The following PSMA1 variants were observed in gnomAD, a reference collection of about 807,000 sequenced individuals.
PSMA1 encodes proteasome subunit alpha type-1.
In PSMA1, 3 loss-of-function variants were observed where a neutral mutation model predicts 38.4. That is an observed-to-expected ratio of 0.08 (90% CI 0.04 to 0.20). PSMA1 has a LOEUF of 0.20. Among genes scored for constraint, PSMA1 ranks in the 10% least tolerant of loss-of-function variants. PSMA1 has a pLI of 1.00. For missense variants in PSMA1, 227 were observed against 325.3 expected, an observed-to-expected ratio of 0.70 and a Z score of 2.32; for synonymous variants, 101 against 107.1, an observed-to-expected ratio of 0.94 and a Z score of 0.35.
chr11:14,508,828 C>T (rs1392890757), intron 8 of PSMA1, among the ~76,000 whole-genome samples: 1 of 152,124 alleles, frequency 6.6e-6, no homozygotes, highest in African/African-American at 2.4e-5. Context: ...CATTGCCCCT[C>T]CTCCTTGAAA....
intron 8 of PSMA1, 81 bp from the exon 9 acceptor site, chr11:14,507,847 G>A: frequency 1.1e-6 from 1 of 951,094 alleles, no homozygotes. Context: ...GGTGAAAAAA[G>A]CAGAATAAGA....
chr11:14,538,364 C>T (rs1200072876), intron 2 of PSMA1, among the ~76,000 whole-genome samples: 2 of 152,144 alleles, frequency 1.3e-5, no homozygotes, highest in African/African-American at 4.8e-5. Context: ...AGGCTGGACT[C>T]GATGAAGTCT....
intron 2 of PSMA1, among the ~76,000 whole-genome samples, chr11:14,542,057 G>T (rs1851778763): frequency 6.6e-6 from 1 of 152,102 alleles, no homozygotes; most frequent in African/African-American, 2.4e-5. Flanking sequence ...AATAGCTAAA[G>T]CTTTTTAAAA....
intron 2 of PSMA1, among the ~76,000 whole-genome samples, chr11:14,530,615 G>C (rs1299239807): frequency 6.6e-6 from 1 of 152,118 alleles, no homozygotes; most frequent in Non-Finnish European, 1.5e-5. Context: ...TTAGTTAAGA[G>C]TTAGTGGGCT....
chr11:14,611,122 T>C (rs925722380), exon 2 of PSMA1: 12 of 761,616 alleles, frequency 1.6e-5, no homozygotes, highest in East Asian at 5.3e-5. Flanking sequence ...GAGCTGACCA[T>C]GAATACATGC....
At chr11:14,639,244 T>C (rs990957636) in intron 1 of PSMA1, among the ~76,000 whole-genome samples, 1 of 145,994 alleles carries the variant, frequency 6.8e-6, no homozygotes, top group African/African-American at 2.4e-5. Flanking sequence ...ATGTGTAATT[T>C]TGTTTTTGTA....
chr11:14,597,920 G>C (rs771950655), intron 2 of PSMA1, among the ~76,000 whole-genome samples: 1 of 152,048 alleles, frequency 6.6e-6, no homozygotes, highest in Non-Finnish European at 1.5e-5. Flanking sequence ...ACTGCTTTGA[G>C]TGTGTCCCAG....
intron 1 of PSMA1, among the ~76,000 whole-genome samples, chr11:14,630,572 T>G (rs1852990302): frequency 6.6e-6 from 1 of 151,854 alleles, no homozygotes; most frequent in Non-Finnish European, 1.5e-5. Context: ...TTTGCCAGTA[T>G]TTTATTGAGG....
chr11:14,507,518 G>T (rs1157832454), intron 9 of PSMA1, 138 bp downstream of exon 9: 5 of 670,688 alleles, frequency 7.5e-6, no homozygotes, highest in African/African-American at 1.8e-5. Context: ...ACTTTACTCA[G>T]TTCTTAATTT....
chr11:14,586,996 G>A (rs911360422), intron 2 of PSMA1, among the ~76,000 whole-genome samples: 8 of 152,038 alleles, frequency 5.3e-5, no homozygotes, highest in Non-Finnish European at 7.4e-5. Flanking sequence ...TCCTGACCTC[G>A]TGATCCGCCT....
At chr11:14,513,346 T>C (rs111856477) in intron 7 of PSMA1, 11 of 416,938 alleles carry the variant, frequency 2.6e-5, no homozygotes, top group African/African-American at 1.0e-4. Context: ...GGAACACATT[T>C]ATATTTTGAA....
At chr11:14,556,658 A>G (rs1296426841) in intron 2 of PSMA1, among the ~76,000 whole-genome samples, 3 of 151,796 alleles carry the variant, frequency 2.0e-5, no homozygotes, top group Non-Finnish European at 4.4e-5. Flanking sequence ...TTCTCTGCTT[A>G]CTCTTGAGAA....
intron 2 of PSMA1, among the ~76,000 whole-genome samples, chr11:14,599,006 T>G (rs1234297138): frequency 1.6e-4 from 24 of 152,258 alleles, no homozygotes; most frequent in African/African-American, 5.3e-4. Flanking sequence ...AAGCTTAGTT[T>G]GGCTGGATAT....
intron 9 of PSMA1, among the ~76,000 whole-genome samples, chr11:14,505,687 C>T (rs897320575): frequency 2.6e-5 from 4 of 151,734 alleles, no homozygotes; most frequent in East Asian, 1.9e-4. Flanking sequence ...TTAGGTATGC[C>T]GAATGCATAA....
rs577451168 is a variant in PSMA1 at position 14,514,664 on chromosome 11, CTGGAGCCACATAA to C, written c.255-186_255-174del. Among the ~76,000 whole-genome samples, 278 of 152,264 alleles carry C rather than the reference CTGGAGCCACATAA, an allele frequency of 1.8e-3. 1 individual carries two copies. Among genetic ancestry groups the C allele is most frequent in the African/African-American group, 6.3e-3 (263 of 41,542 alleles). On this transcript the variant is annotated intron_variant, in intron 4 of 9. Coordinates refer to ENST00000396394, the MANE Select transcript of PSMA1 (RefSeq NM_002786.4). ...CAAGGGTGCGTTTTTGTGCTAAACT[CTGGAGCCACATAA>C]GGTTTTTAAAAAAGACTGAAACATT...
chr11:14,513,491 T>C, intron 7 of PSMA1, 79 bp downstream of exon 7: 1 of 1,263,086 alleles, frequency 7.9e-7, no homozygotes, highest in Non-Finnish European at 1.0e-6. Flanking sequence ...GTTTTATGCA[T>C]TTAGGATACT....
chr11:14,597,208 T>C (rs1246240401), intron 2 of PSMA1, among the ~76,000 whole-genome samples: 1 of 152,218 alleles, frequency 6.6e-6, no homozygotes, highest in Non-Finnish European at 1.5e-5. Flanking sequence ...AAAATTACTT[T>C]TTTTGTTGTG....
intron 2 of PSMA1, among the ~76,000 whole-genome samples, chr11:14,576,812 T>G (rs569338844): frequency 1.3e-5 from 2 of 152,354 alleles, no homozygotes; most frequent in East Asian, 3.9e-4. Flanking sequence ...TCCAATTCTG[T>G]GAAGAAAGTC....
intron 2 of PSMA1, among the ~76,000 whole-genome samples, chr11:14,533,489 A>G (rs891013094): frequency 1.3e-5 from 2 of 152,184 alleles, no homozygotes; most frequent in African/African-American, 2.4e-5. Context: ...TTTTGCCACT[A>G]TCTGGGCTTT....
Sources: allele counts gnomAD v4.1 joint callset (sites outside exome capture counted in the v4.1 genomes callset), GRCh38; gene constraint gnomAD v4.1.1; transcripts MANE v1.5; gene names NCBI Gene and HGNC (gene_info 2026-07-23, HGNC 2026-07-21).